Variants in RAB11A observed in about 807,000 individuals in gnomAD.
The protein encoded by RAB11A is ras-related protein Rab-11A.
A neutral mutation model predicts 28.0 loss-of-function variants in RAB11A; 9 were observed. The ratio of observed to expected loss-of-function variants is 0.32; its 90% CI spans 0.19 to 0.56. The LOEUF is 0.56. RAB11A is among the 20% of genes least tolerant of loss of function. RAB11A has a pLI of 0.91. For synonymous variants in RAB11A, 85 were observed against 88.2 expected (o/e 0.96, Z 0.20); for missense variants, 108 against 269.6 (o/e 0.40, Z 4.20).
intron 4 of RAB11A, among the ~76,000 whole-genome samples, chr15:65,880,176 C>T (rs949125842): frequency 6.6e-6 from 1 of 152,172 alleles, no homozygotes; most frequent in Non-Finnish European, 1.5e-5. Context: ...AAAATTCTCC[C>T]ATGATACAGA....
intron 1 of RAB11A, among the ~76,000 whole-genome samples, chr15:65,874,029 G>T (rs551455518): frequency 6.6e-6 from 1 of 152,282 alleles, no homozygotes; most frequent in African/African-American, 2.4e-5. Flanking sequence ...TAGGGTTGAG[G>T]TACTGTCTTT....
chr15:65,877,790 T>C lies in RAB11A; in HGVS notation c.265T>C (p.Leu89=), dbSNP rs11556462. The change falls in exon 3 of 5, where the codon TTG becomes CTG. Residue 89 remains leucine, a synonymous_variant. Coordinates refer to ENST00000261890, the MANE Select transcript of RAB11A (RefSeq NM_004663.5). This position sits in a 1 kb window ranked among gnomAD's most constrained non-coding sequence, Gnocchi z 4.1. ...TTATCGTGGAGCTGTAGGTGCCTTATTGGTTTATGACATTGCTAAACATCT... is the reference window on the plus strand; with the variant it reads ...TTATCGTGGAGCTGTAGGTGCCTTACTGGTTTATGACATTGCTAAACATCT... ...AYYRGAVGAL[L]VYDIAKHLTY... 2.9e-3 allele frequency: 4,744 copies of C among 1,609,110 alleles called. 9 individuals carry two copies. The highest frequency in any genetic ancestry group is 3.7e-3 in the Non-Finnish European group (4,343 of 1,176,164).
intron 4 of RAB11A, 86 bp downstream of exon 4, chr15:65,879,837 A>G (rs565832067): frequency 2.2e-4 from 231 of 1,035,122 alleles, no homozygotes; most frequent in East Asian, 1.4e-3. Flanking sequence ...ACTAAACTAT[A>G]TATCAGCCGA....
intron 4 of RAB11A, 67 bp from the exon 5 acceptor site, chr15:65,887,634 T>C: frequency 2.1e-6 from 3 of 1,424,556 alleles, no homozygotes; most frequent in East Asian, 4.9e-5. Flanking sequence ...CCTACCTTTA[T>C]GTATCTTTTA....
chr15:65,870,228 C>T (rs2078150583), intron 1 of RAB11A: 1 of 152,538 alleles, frequency 6.6e-6, no homozygotes, highest in South Asian at 2.1e-4. Flanking sequence ...GGGCCTCCGC[C>T]CCCACCCTCC....
chr15:65,876,225 A>T (rs2078190669), intron 1 of RAB11A, among the ~76,000 whole-genome samples: 1 of 152,204 alleles, frequency 6.6e-6, no homozygotes, highest in Non-Finnish European at 1.5e-5. Context: ...AATTCATCTA[A>T]TCAAGACCTA....
intron 4 of RAB11A, among the ~76,000 whole-genome samples, chr15:65,883,185 A>G (rs2078233654): frequency 1.3e-5 from 2 of 152,240 alleles, no homozygotes; most frequent in South Asian, 4.1e-4. Context: ...GACCTTATTC[A>G]GATTTTGCCA....
intron 3 of RAB11A, among the ~76,000 whole-genome samples, chr15:65,878,990 C>CTTT (rs35545905): frequency 3.9e-5 from 5 of 128,578 alleles, no homozygotes; most frequent in Non-Finnish European, 4.9e-5. Flanking sequence ...CAATTTCTCA[C>CTTT]TTTTTTTTTT....
chr15:65,880,429 C>G (rs2078215243), intron 4 of RAB11A, among the ~76,000 whole-genome samples: 1 of 152,046 alleles, frequency 6.6e-6, no homozygotes, highest in Admixed American at 6.6e-5. Flanking sequence ...CTAATTAGTA[C>G]TTTGATGGGT....
intron 1 of RAB11A, among the ~76,000 whole-genome samples, chr15:65,874,382 C>T (rs1305529630): frequency 3.9e-5 from 6 of 152,042 alleles, no homozygotes; most frequent in Non-Finnish European, 7.4e-5. Flanking sequence ...GCTGGGACTA[C>T]GGGCATGCGC....
chr15:65,881,426 A>AATT (rs1254664878), intron 4 of RAB11A, among the ~76,000 whole-genome samples: 31 of 152,222 alleles, frequency 2.0e-4, no homozygotes, highest in Admixed American at 1.9e-3. Context: ...ATAGTCTTAA[A>AATT]ACATGTGAAT....
At position 65,884,811 on chromosome 15, in the gene RAB11A, A is replaced by G. The variant is rs2078244996; in HGVS notation, c.512-2890A>G. On this transcript the variant is annotated intron_variant, in intron 4 of 4. Coordinates refer to ENST00000261890, the MANE Select transcript of RAB11A (RefSeq NM_004663.5). ...CCTGATAAGAAAGTAGGAAGCAGGT[A>G]ACTTCTAGCTGTCTGATTAGAGAAG... Among the ~76,000 whole-genome samples, 7 of 151,558 alleles carry G rather than the reference A, an allele frequency of 4.6e-5. No homozygotes were observed. The South Asian group carries it at 1.5e-3, about 32-fold the overall frequency.
intron 1 of RAB11A, among the ~76,000 whole-genome samples, chr15:65,872,618 G>A (rs2078169157): frequency 6.6e-6 from 1 of 151,746 alleles, no homozygotes; most frequent in Non-Finnish European, 1.5e-5. Flanking sequence ...ATTTCTAGTA[G>A]AGACGGGGTT....
chr15:65,885,745 T>C (rs551093389), intron 4 of RAB11A, among the ~76,000 whole-genome samples: 1 of 152,168 alleles, frequency 6.6e-6, no homozygotes, highest in Non-Finnish European at 1.5e-5. Flanking sequence ...GAAAATCAAC[T>C]CACAAAAGGC....
At chr15:65,875,445 A>G (rs1240572117) in intron 1 of RAB11A, among the ~76,000 whole-genome samples, 1 of 152,202 alleles carries the variant, frequency 6.6e-6, no homozygotes, top group South Asian at 2.1e-4. Context: ...GACCTTGGAA[A>G]CTAGTATATC....
Position 65,887,971 on chromosome 15 carries a change from G to T in RAB11A, c.*131G>T. On this transcript the variant is annotated 3_prime_UTR_variant, in exon 5 of 5. Transcript: ENST00000261890. ...ACTTATGAATTTTTCCATGTCCTAAGTCTTTTGATTTTAGCTTTATAAAAT... is the reference window on the plus strand; with the variant it reads ...ACTTATGAATTTTTCCATGTCCTAATTCTTTTGATTTTAGCTTTATAAAAT... The T allele has an allele frequency of 9.9e-7, 1 of 1,009,670 alleles. No individual in the cohort carries two copies. The highest frequency in any genetic ancestry group is 1.3e-6 in the Non-Finnish European group (1 of 752,686). The allele number at this position is 1,009,670 out of a possible 1,614,324, so 62.5% of individuals were successfully genotyped here.
chr15:65,876,163 C>T (rs531579522), intron 1 of RAB11A, among the ~76,000 whole-genome samples: 1 of 152,200 alleles, frequency 6.6e-6, no homozygotes, highest in South Asian at 2.1e-4. Flanking sequence ...AAAAGAATCT[C>T]CATGTATCTA....
chr15:65,883,540 T>C (rs1453970877), intron 4 of RAB11A, among the ~76,000 whole-genome samples: 1 of 152,256 alleles, frequency 6.6e-6, no homozygotes, highest in Admixed American at 6.5e-5. Context: ...TGATGTCTGC[T>C]AGGTTTCTCC....
At chr15:65,872,127 G>T (rs2078165731) in intron 1 of RAB11A, among the ~76,000 whole-genome samples, 1 of 150,882 alleles carries the variant, frequency 6.6e-6, no homozygotes, top group South Asian at 2.1e-4. Flanking sequence ...CTAGTTTTTT[G>T]TTTTTTTGTA....
Sources: gnomAD v4.1 joint callset for allele counts (sites outside exome capture counted in the v4.1 genomes callset) on GRCh38, gnomAD v4.1.1 for gene constraint, Gnocchi (gnomAD v3.1) non-coding constraint, MANE v1.5 for transcripts, NCBI Gene and HGNC (gene_info 2026-07-23, HGNC 2026-07-21) for gene names.